FRAS1: variants seen among roughly 807,000 people sequenced by gnomAD.
FRAS1 encodes the protein extracellular matrix organizing protein FRAS1.
A neutral mutation model predicts 435.2 loss-of-function variants in FRAS1; 290 were observed. The observed-to-expected ratio is 0.67, with a 90% CI of 0.61 to 0.73. The LOEUF (loss-of-function observed/expected upper bound fraction) is 0.73. Ranked by LOEUF, FRAS1 falls within the 30% of genes least tolerant of loss-of-function variation. The probability of loss-of-function intolerance (pLI) is 0.00; values close to 1 mark genes in which losing one functional copy is unlikely to be tolerated. For synonymous variants in FRAS1, 1,800 were observed against 1,851.0 expected (o/e 0.97, Z 0.71); for missense variants, 4,860 against 5,001.5 (o/e 0.97, Z 0.85).
At chr4:78,343,431 C>A (rs1316670402) in intron 20 of FRAS1, among the ~76,000 whole-genome samples, 1 of 105,472 alleles carries the variant, frequency 9.5e-6, no homozygotes, top group African/African-American at 5.4e-5. Context: ...CCCTCCCTCC[C>A]TCCCTCCCTC....
intron 55 of FRAS1, among the ~76,000 whole-genome samples, chr4:78,479,048 A>G (rs1719934374): frequency 6.6e-6 from 1 of 152,264 alleles, no homozygotes. Flanking sequence ...TTTCCTACTT[A>G]AAGTACCAAA....
At chr4:78,247,976 AGGACTG>A (rs1725327926) in intron 4 of FRAS1, among the ~76,000 whole-genome samples, 1 of 152,188 alleles carries the variant, frequency 6.6e-6, no homozygotes. Flanking sequence ...AGGAAAGTGA[AGGACTG>A]GCTGAGCTAA....
intron 52 of FRAS1, 130 bp from the exon 53 acceptor site, chr4:78,473,308 T>C (rs1466643063): frequency 1.2e-5 from 8 of 660,922 alleles, no homozygotes; most frequent in African/African-American, 1.8e-5. Flanking sequence ...ACTACTATAC[T>C]TTTGGTGCTT....
intron 25 of FRAS1, among the ~76,000 whole-genome samples, 155 bp downstream of exon 25, chr4:78,374,406 C>A (rs568236096): frequency 6.6e-6 from 1 of 152,180 alleles, no homozygotes; most frequent in Non-Finnish European, 1.5e-5. Flanking sequence ...CCATGCATAT[C>A]TGCCGTATGT....
At position 78,541,175 on chromosome 4, in the gene FRAS1, G is replaced by A; in HGVS notation, c.*51G>A. The A allele has an allele frequency of 9.7e-7, 1 of 1,028,958 alleles. No homozygotes were observed. Among genetic ancestry groups the A allele is most frequent in the East Asian group, 2.9e-5 (1 of 33,926 alleles). 63.7% of individuals were successfully genotyped at this position (1,028,958 alleles called of 1,614,324 possible). ...TCTAAAATCATTTTTATAAAATGGGGGGAAATACTGGTATTTTTATAATCT... is the reference window on the plus strand; with the variant it reads ...TCTAAAATCATTTTTATAAAATGGGAGGAAATACTGGTATTTTTATAATCT... On this transcript the variant is annotated 3_prime_UTR_variant, in exon 74 of 74. Coordinates refer to ENST00000512123, the MANE Select transcript of FRAS1 (RefSeq NM_025074.7).
At chr4:78,531,387 G>C (rs1199794588) in intron 70 of FRAS1, among the ~76,000 whole-genome samples, 5 of 152,164 alleles carry the variant, frequency 3.3e-5, no homozygotes, top group Non-Finnish European at 7.3e-5. Flanking sequence ...TTGAATAGGA[G>C]TGGTGAGAGA....
intron 1 of FRAS1, among the ~76,000 whole-genome samples, chr4:78,060,188 C>T (rs1739693779): frequency 6.6e-6 from 1 of 152,106 alleles, no homozygotes; most frequent in Admixed American, 6.5e-5. Context: ...ATCACTCCCA[C>T]AGACAAAAAA....
intron 32 of FRAS1, among the ~76,000 whole-genome samples, chr4:78,413,629 A>G (rs763847650): frequency 2.6e-5 from 4 of 152,218 alleles, no homozygotes; most frequent in Admixed American, 1.3e-4. Flanking sequence ...AAGTGAAAAG[A>G]GCACATGGAA....
Position 78,506,647 on chromosome 4 carries a change from A to G in FRAS1, c.9317-774A>G, listed in dbSNP as rs144432684. 2.3e-3 allele frequency among the ~76,000 whole-genome samples: 352 copies of G among 152,210 alleles called. 1 individual carries two copies. The highest frequency in any genetic ancestry group is 7.9e-3 in the African/African-American group (327 of 41,538). On this transcript the variant is annotated intron_variant, in intron 61 of 73. Transcript: ENST00000512123. ...GCAGGCGTGTCCCATTTTTCCAGGT[A>G]CAGTCTGTCACGGCTTCCCTTGGCT... is the stretch of plus-strand genomic sequence containing the variant.
At chr4:78,221,085 T>C (rs1724032983) in intron 2 of FRAS1, among the ~76,000 whole-genome samples, 1 of 152,118 alleles carries the variant, frequency 6.6e-6, no homozygotes, top group Non-Finnish European at 1.5e-5. Context: ...GGAGGATGGC[T>C]TGAGCCCAGG....
At chr4:78,307,271 T>A (rs1219335324) in intron 14 of FRAS1, among the ~76,000 whole-genome samples, 1 of 152,276 alleles carries the variant, frequency 6.6e-6, no homozygotes, top group South Asian at 2.1e-4. Context: ...TCTTCAAAGC[T>A]GTCAGACAGG....
Position 78,315,581 on chromosome 4 carries a change from TGCCTCCCC to T in FRAS1, c.1679-12_1679-5del, listed in dbSNP as rs1383561193. On this transcript the variant is annotated splice_region_variant and splice_polypyrimidine_tract_variant and intron_variant, in intron 15 of 73. Coordinates refer to ENST00000512123, the MANE Select transcript of FRAS1 (RefSeq NM_025074.7). ...TATTGCCTTTCTCTGATGGGTTTTTTGCCTCCCCTTAGCTTGTGACCAATCCTGTGACA... is the reference window on the plus strand; with the variant it reads ...TATTGCCTTTCTCTGATGGGTTTTTTTTAGCTTGTGACCAATCCTGTGACA... 2 of 1,598,514 alleles carry T rather than the reference TGCCTCCCC, an allele frequency of 1.3e-6. No individual in the cohort carries two copies. The highest frequency in any genetic ancestry group is 1.1e-5 in the South Asian group (1 of 88,248).
chr4:78,281,752 G>A (rs1351381952), intron 11 of FRAS1, among the ~76,000 whole-genome samples: 1 of 152,130 alleles, frequency 6.6e-6, no homozygotes, highest in Non-Finnish European at 1.5e-5. Context: ...TTAACCATCA[G>A]TAGAGTTTTA....
chr4:78,171,250 C>T (rs140177624), intron 2 of FRAS1, among the ~76,000 whole-genome samples: 279 of 152,132 alleles, frequency 1.8e-3, no homozygotes, highest in Middle Eastern at 3.4e-3. Context: ...TCCTCGAGCT[C>T]ACCCTCCCTG....
intron 22 of FRAS1, among the ~76,000 whole-genome samples, chr4:78,364,898 G>C (rs1371533462): frequency 2.6e-5 from 4 of 152,202 alleles, no homozygotes; most frequent in Non-Finnish European, 4.4e-5. Context: ...GTGGGCTCTA[G>C]AGTCAGAGAA....
At position 78,438,723 on chromosome 4, in the gene FRAS1, A is replaced by T. The variant is rs770242646; in HGVS notation, c.5366+5A>T. The T allele has an allele frequency of 3.8e-6, 6 of 1,584,278 alleles. No homozygotes were observed. In the African/African-American group the frequency reaches 6.8e-5, roughly 18 times the overall value. ...CATCAATAACAAGAAAATCAGGTAC[A>T]TAATCACTTTGTATTATTTGACAGA... is the stretch of plus-strand genomic sequence containing the variant. On this transcript the variant is annotated splice_donor_5th_base_variant and intron_variant, in intron 39 of 73. Transcript: ENST00000512123.
chr4:78,530,499 A>G (rs1344133271), intron 70 of FRAS1, among the ~76,000 whole-genome samples: 1 of 152,180 alleles, frequency 6.6e-6, no homozygotes, highest in Non-Finnish European at 1.5e-5. Context: ...ATCAAGACTG[A>G]TACAGGGAAT....
intron 29 of FRAS1, among the ~76,000 whole-genome samples, chr4:78,399,840 C>T (rs2110344059): frequency 6.6e-6 from 1 of 152,328 alleles, no homozygotes; most frequent in South Asian, 2.1e-4. Flanking sequence ...CAGTGCTAGT[C>T]ATTTCCATCT....
At chr4:78,404,704 A>C (rs1733035221) in intron 30 of FRAS1, among the ~76,000 whole-genome samples, 1 of 152,166 alleles carries the variant, frequency 6.6e-6, no homozygotes, top group Non-Finnish European at 1.5e-5. Context: ...TTACTCTTGC[A>C]TCTGTGTTTC....
Sources: allele counts gnomAD v4.1 joint callset (sites outside exome capture counted in the v4.1 genomes callset), GRCh38; gene constraint gnomAD v4.1.1; transcripts MANE v1.5; gene names NCBI Gene and HGNC (gene_info 2026-07-23, HGNC 2026-07-21).